SLC25A21: variants seen among roughly 807,000 people sequenced by gnomAD.
The protein encoded by SLC25A21 is solute carrier family 25 member 21.
Under a neutral mutation model 43.8 loss-of-function variants are expected in SLC25A21, and 47 were observed. The observed-to-expected ratio is 1.07, with a 90% CI of 0.85 to 1.37. The LOEUF (loss-of-function observed/expected upper bound fraction) is 1.37. Ranked by LOEUF, SLC25A21 falls within the 40% of genes most tolerant of loss-of-function variation. The pLI is 0.00. For missense variants in SLC25A21, 352 were observed against 350.2 expected (o/e 1.00, Z -0.04); for synonymous variants, 131 against 121.3 (o/e 1.08, Z -0.52).
At chr14:36,981,696 G>C (rs191977284) in intron 1 of SLC25A21, among the ~76,000 whole-genome samples, 1 of 152,220 alleles carries the variant, frequency 6.6e-6, no homozygotes, top group East Asian at 1.9e-4. Context: ...CGTGGGGTGG[G>C]GGGAAAAGGG....
intron 1 of SLC25A21, among the ~76,000 whole-genome samples, chr14:36,903,420 TG>T (rs376388781): frequency 2.0e-4 from 31 of 151,832 alleles, no homozygotes; most frequent in African/African-American, 7.5e-4. Context: ...GAGACCAGCC[TG>T]GCCAACATGG....
intron 6 of SLC25A21, among the ~76,000 whole-genome samples, chr14:36,714,678 C>G (rs1257725042): frequency 6.6e-6 from 1 of 152,186 alleles, no homozygotes; most frequent in African/African-American, 2.4e-5. Flanking sequence ...AGGAAGTGCT[C>G]AACACCTTTA....
chr14:36,953,192 A>G (rs1892856949), intron 1 of SLC25A21, among the ~76,000 whole-genome samples: 1 of 152,196 alleles, frequency 6.6e-6, no homozygotes, highest in Non-Finnish European at 1.5e-5. Flanking sequence ...GAACTTTAAA[A>G]TGTTTCTTAA....
At chr14:36,932,944 C>G (rs1227655488) in intron 1 of SLC25A21, among the ~76,000 whole-genome samples, 4 of 151,986 alleles carry the variant, frequency 2.6e-5, no homozygotes, top group Non-Finnish European at 5.9e-5. Flanking sequence ...TAAGTAAAAG[C>G]ACATTAATTA....
At chr14:36,867,963 C>T (rs1000393310) in intron 2 of SLC25A21, among the ~76,000 whole-genome samples, 7 of 151,740 alleles carry the variant, frequency 4.6e-5, no homozygotes, top group African/African-American at 7.3e-5. Flanking sequence ...CCAGGCAGCC[C>T]AACTCTAGAG....
intron 1 of SLC25A21, among the ~76,000 whole-genome samples, chr14:36,922,750 C>A (rs868624532): frequency 4.6e-5 from 7 of 152,194 alleles, no homozygotes; most frequent in South Asian, 2.1e-4. Flanking sequence ...ACATTTGTCA[C>A]AGGTTCAAAC....
chr14:37,096,707 G>C (rs995801115), intron 1 of SLC25A21, among the ~76,000 whole-genome samples: 1 of 151,806 alleles, frequency 6.6e-6, no homozygotes, highest in Non-Finnish European at 1.5e-5. Flanking sequence ...CAGGATTTCT[G>C]TTGATTTTTT....
chr14:36,995,858 T>C (rs1960360729), intron 1 of SLC25A21, among the ~76,000 whole-genome samples: 1 of 152,188 alleles, frequency 6.6e-6, no homozygotes, highest in Non-Finnish European at 1.5e-5. Context: ...TCGCTCCTAC[T>C]GAAGAACAAC....
chr14:36,911,873 C>T (rs553543023), intron 1 of SLC25A21, among the ~76,000 whole-genome samples: 1 of 152,124 alleles, frequency 6.6e-6, no homozygotes, highest in Non-Finnish European at 1.5e-5. Flanking sequence ...GAAAACAAAA[C>T]AAAACCCAAT....
chr14:36,698,175 C>T lies in SLC25A21; in HGVS notation c.603+13143G>A, dbSNP rs1035255892. The stretch of plus-strand genomic sequence containing the variant: ...TTTTATTTCTCCTTCAGTTATGAAG[C>T]TTAGTTTGGCTGGATATGAAATTCT... On this transcript the variant is annotated intron_variant, in intron 7 of 9. Coordinates refer to ENST00000331299, the MANE Select transcript of SLC25A21 (RefSeq NM_030631.4). Among the ~76,000 whole-genome samples the T allele has an allele frequency of 2.6e-5, 4 of 152,146 alleles. No homozygotes were observed. The South Asian group carries it at 6.2e-4, about 24-fold the overall frequency.
chr14:36,840,075 A>G (rs966388112), intron 2 of SLC25A21, among the ~76,000 whole-genome samples: 10 of 152,208 alleles, frequency 6.6e-5, no homozygotes, highest in African/African-American at 2.4e-4. Context: ...ACATTCTCCC[A>G]CAGCAGCAGC....
intron 1 of SLC25A21, among the ~76,000 whole-genome samples, chr14:37,155,847 G>T (rs987499493): frequency 1.3e-5 from 2 of 152,076 alleles, no homozygotes; most frequent in Non-Finnish European, 2.9e-5. Context: ...GAAAAGATTA[G>T]ATTTACCATC....
At chr14:37,070,871 C>A (rs146860676) in intron 1 of SLC25A21, among the ~76,000 whole-genome samples, 26 of 152,286 alleles carry the variant, frequency 1.7e-4, no homozygotes, top group African/African-American at 6.0e-4. Context: ...AAGCGCTCTG[C>A]CCCTGTCAGG....
chr14:36,727,901 C>T (rs1460132648), intron 5 of SLC25A21, among the ~76,000 whole-genome samples: 2 of 152,142 alleles, frequency 1.3e-5, no homozygotes, highest in Non-Finnish European at 2.9e-5. Flanking sequence ...TAGTCCCAAA[C>T]TCTTTTGACT....
At chr14:37,057,600 T>C (rs1237807724) in intron 1 of SLC25A21, among the ~76,000 whole-genome samples, 1 of 152,226 alleles carries the variant, frequency 6.6e-6, no homozygotes, top group Non-Finnish European at 1.5e-5. Context: ...GCTTATAGCA[T>C]TGACTGATTC....
chr14:36,948,506 C>T (rs997323662), intron 1 of SLC25A21, among the ~76,000 whole-genome samples: 1 of 152,004 alleles, frequency 6.6e-6, no homozygotes, highest in African/African-American at 2.4e-5. Context: ...TTGAATAAGA[C>T]CCTGCTTGAA....
chr14:36,971,933 G>GTAAAAAT (rs1959760143), intron 1 of SLC25A21, among the ~76,000 whole-genome samples: 1 of 152,108 alleles, frequency 6.6e-6, no homozygotes, highest in African/African-American at 2.4e-5. Flanking sequence ...GTGTTAAGAA[G>GTAAAAAT]AGGACACAAA....
In SLC25A21 at chr14:36,738,879, T is replaced by G. The variant is rs565323062; in HGVS notation, c.204-4306A>C. 1.6e-4 allele frequency among the ~76,000 whole-genome samples: 24 copies of G among 152,336 alleles called. No homozygotes were observed. The South Asian group carries it at 4.6e-3, about 29-fold the overall frequency. On this transcript the variant is annotated intron_variant, in intron 3 of 9. Coordinates refer to ENST00000331299, the MANE Select transcript of SLC25A21 (RefSeq NM_030631.4). The stretch of plus-strand genomic sequence containing the variant: ...TCTTACTATGTAATAGCTTTTGTGT[T>G]AAGAATAAAAACATGTAGGTATATG...
At chr14:36,686,213 G>A (rs1021869978) in intron 7 of SLC25A21, among the ~76,000 whole-genome samples, 1 of 152,176 alleles carries the variant, frequency 6.6e-6, no homozygotes, top group African/African-American at 2.4e-5. Flanking sequence ...CAAGGGTTTG[G>A]TAATAATTCC....
Sources: allele counts gnomAD v4.1 joint callset (sites outside exome capture counted in the v4.1 genomes callset), GRCh38; gene constraint gnomAD v4.1.1; transcripts MANE v1.5; gene names NCBI Gene and HGNC (gene_info 2026-07-23, HGNC 2026-07-21).